Variants in RNF185 observed in about 807,000 individuals in gnomAD.
The protein encoded by RNF185 is E3 ubiquitin-protein ligase RNF185.
A neutral mutation model predicts 24.9 loss-of-function variants in RNF185; 13 were observed. That is an observed-to-expected ratio of 0.52 (90% confidence interval 0.34 to 0.83). The LOEUF is 0.83. RNF185 is among the 40% of genes least tolerant of loss of function. The pLI, the probability that RNF185 is intolerant of heterozygous loss-of-function variation, is 0.01. For synonymous variants in RNF185, 79 were observed against 90.3 expected (o/e 0.88, Z 0.71); for missense variants, 184 against 244.7 (o/e 0.75, Z 1.65).
chr22:31,188,424 G>A (rs1457162257), intron 2 of RNF185, among the ~76,000 whole-genome samples: 10 of 152,102 alleles, frequency 6.6e-5, no homozygotes, highest in South Asian at 2.1e-4. Flanking sequence ...TCAGGGTATC[G>A]TAAAACCAGG....
intron 1 of RNF185, among the ~76,000 whole-genome samples, chr22:31,169,098 A>G (rs1396845237): frequency 6.6e-6 from 1 of 152,068 alleles, no homozygotes; most frequent in Non-Finnish European, 1.5e-5. Context: ...TTTAGTAGAG[A>G]CAAGGTTTCA....
intron 2 of RNF185, among the ~76,000 whole-genome samples, chr22:31,192,333 T>G (rs2048163437): frequency 6.6e-6 from 1 of 152,180 alleles, no homozygotes; most frequent in Non-Finnish European, 1.5e-5. Flanking sequence ...TTTTATTGGA[T>G]TCCTTCAGAT....
At chr22:31,191,909 A>G (rs992723590) in intron 2 of RNF185, among the ~76,000 whole-genome samples, 1 of 147,598 alleles carries the variant, frequency 6.8e-6, no homozygotes, top group Non-Finnish European at 1.5e-5. Context: ...ATGTGGTGTT[A>G]GATTATAGAA....
intron 2 of RNF185, among the ~76,000 whole-genome samples, chr22:31,190,823 C>T (rs184072660): frequency 4.0e-5 from 6 of 151,196 alleles, no homozygotes; most frequent in Admixed American, 2.6e-4. Flanking sequence ...AGGCTGGTCT[C>T]GAACTCCTGA....
intron 1 of RNF185, among the ~76,000 whole-genome samples, chr22:31,179,188 G>T (rs2048011297): frequency 6.6e-6 from 1 of 152,224 alleles, no homozygotes; most frequent in Non-Finnish European, 1.5e-5. Context: ...CAGGGACCAT[G>T]AGAAATTTTA....
chr22:31,201,544 T>C lies in RNF185; in HGVS notation c.410T>C (p.Phe137Ser). ...GFGDGGFQMS[F>S]GIGAFPFGIF... Reference sequence around the variant, plus strand: ...GGAGATGGTGGCTTCCAGATGTCTTTTGGAATTGGGGCATTTCCCTTTGGG... The same window carrying C: ...GGAGATGGTGGCTTCCAGATGTCTTCTGGAATTGGGGCATTTCCCTTTGGG... Residue 137 changes from phenylalanine (F) to serine (S), a missense_variant, in exon 6 of 7, where the codon TTT (phenylalanine) becomes TCT (serine). Physicochemically the swap from Phe to Ser is radical, Grantham distance 155. Coordinates refer to ENST00000326132, the MANE Select transcript of RNF185 (RefSeq NM_152267.4). The C allele has an allele frequency of 6.2e-7, 1 of 1,612,332 alleles. No individual in the cohort carries two copies. Among genetic ancestry groups the C allele is most frequent in the Non-Finnish European group, 8.5e-7 (1 of 1,179,930 alleles).
At chr22:31,171,455 A>G (rs2047929158) in intron 1 of RNF185, among the ~76,000 whole-genome samples, 1 of 151,470 alleles carries the variant, frequency 6.6e-6, no homozygotes, top group East Asian at 2.0e-4. Flanking sequence ...TGCTGGGATT[A>G]CAGGCGTGAG....
chr22:31,173,452 T>C (rs1322005738), intron 1 of RNF185, among the ~76,000 whole-genome samples: 1 of 86,306 alleles, frequency 1.2e-5, no homozygotes, highest in East Asian at 2.8e-4. Context: ...CGTATGTATA[T>C]ATCAGGTGCT....
chr22:31,184,672 G>T, intron 1 of RNF185, among the ~76,000 whole-genome samples: 1 of 152,332 alleles, frequency 6.6e-6, no homozygotes, highest in African/African-American at 2.4e-5. Flanking sequence ...CTGGCACCTC[G>T]GGAGGCCGAG....
chr22:31,196,858 G>T, intron 4 of RNF185, 78 bp from the exon 5 acceptor site: 2 of 1,577,656 alleles, frequency 1.3e-6, no homozygotes, highest in Non-Finnish European at 1.7e-6. Context: ...GACCCTGTTG[G>T]TAAAGAGCTC....
chr22:31,188,185 G>A (rs548895403), intron 2 of RNF185, among the ~76,000 whole-genome samples: 45 of 152,052 alleles, frequency 3.0e-4, no homozygotes, highest in Non-Finnish European at 5.3e-4. Context: ...ACCCAGATTC[G>A]ACTAAAGGGA....
rs1275685765 is a variant in RNF185 at position 31,206,266 on chromosome 22, T to C, written c.*1680T>C. The C allele has an allele frequency of 6.6e-6, 1 of 152,634 alleles. No homozygotes were observed. The highest frequency in any genetic ancestry group is 1.5e-5 in the Non-Finnish European group (1 of 68,076). 9.5% of individuals were successfully genotyped at this position (152,634 alleles called of 1,614,324 possible). A position where few individuals can be genotyped will look rare whatever the true frequency, so the allele number is the denominator to read the frequency against. The stretch of plus-strand genomic sequence containing the variant: ...GTTCAGTGTTTAAACAGACAAAATA[T>C]AAAGTATTGAGTAGGTGGTTCATAT... On this transcript the variant is annotated 3_prime_UTR_variant, in exon 7 of 7. Coordinates refer to ENST00000326132, the MANE Select transcript of RNF185 (RefSeq NM_152267.4).
At chr22:31,176,430 G>A (rs905963480) in intron 1 of RNF185, among the ~76,000 whole-genome samples, 1 of 149,758 alleles carries the variant, frequency 6.7e-6, no homozygotes, top group Non-Finnish European at 1.5e-5. Context: ...ATGACCCACC[G>A]CACCTGGCCA....
intron 5 of RNF185, chr22:31,197,238 T>C: frequency 2.4e-6 from 1 of 420,110 alleles, no homozygotes; most frequent in Non-Finnish European, 4.3e-6. Flanking sequence ...TACAAATCTG[T>C]GCGTGTATTT....
intron 1 of RNF185, among the ~76,000 whole-genome samples, chr22:31,161,708 C>T (rs1305260664): frequency 6.6e-6 from 1 of 152,140 alleles, no homozygotes. Context: ...TTGTTCAGAC[C>T]AGCCTTCTCT....
chr22:31,180,915 C>G (rs9621211), intron 1 of RNF185, among the ~76,000 whole-genome samples: 41,459 of 96,164 alleles, frequency 0.43, 6,960 homozygotes, highest in Middle Eastern at 0.5. Context: ...CTCTCTCTCT[C>G]TGTGTGTGTG....
chr22:31,193,012 T>TGG (rs2048170004), intron 3 of RNF185, among the ~76,000 whole-genome samples: 1 of 152,224 alleles, frequency 6.6e-6, no homozygotes, highest in African/African-American at 2.4e-5. Context: ...CAGTGCCTCC[T>TGG]ATCATATCAA....
At position 31,191,693 on chromosome 22, in the gene RNF185, G is replaced by A. The variant is rs1460758682; in HGVS notation, c.177-991G>A. On this transcript the variant is annotated intron_variant, in intron 2 of 6. Transcript: ENST00000326132. ...TAAAAATACAAAAAATTAGCTGGGC[G>A]TGGTGGCACACACCTATAATCCCAG... Among the ~76,000 whole-genome samples the A allele has an allele frequency of 8.6e-5, 13 of 151,968 alleles. No homozygotes were observed. In the East Asian group the frequency reaches 2.3e-3, roughly 27 times the overall value.
At chr22:31,204,441 A>ATAGCTGCAGTG in intron 6 of RNF185, 48 bp from the exon 7 acceptor site, 1 of 1,197,762 alleles carries the variant, frequency 8.3e-7, no homozygotes, top group Non-Finnish European at 1.2e-6. Context: ...GGCAGTGTGC[A>ATAGCTGCAGTG]TAGCTGCAGT....
Sources: allele counts gnomAD v4.1 joint callset (sites outside exome capture counted in the v4.1 genomes callset), GRCh38; gene constraint gnomAD v4.1.1; transcripts MANE v1.5; gene names NCBI Gene and HGNC (gene_info 2026-07-23, HGNC 2026-07-21).